The following PLEKHM3 variants were observed in gnomAD, a reference collection of about 807,000 sequenced individuals.
The protein encoded by PLEKHM3 is pleckstrin homology domain containing M3.
A neutral mutation model predicts 81.8 loss-of-function variants in PLEKHM3; 45 were observed. The ratio of observed to expected loss-of-function variants is 0.55; its 90% confidence interval spans 0.43 to 0.71. PLEKHM3 has a LOEUF of 0.71. PLEKHM3 is among the 30% of genes least tolerant of loss of function. The pLI is 0.00. For missense variants in PLEKHM3, 788 were observed against 924.3 expected (o/e 0.85, Z 1.91); for synonymous variants, 352 against 356.4 (o/e 0.99, Z 0.14).
chr2:207,952,474 A>G (rs1690360730), intron 3 of PLEKHM3, among the ~76,000 whole-genome samples: 2 of 152,234 alleles, frequency 1.3e-5, no homozygotes. Context: ...ATTAGGGGTT[A>G]AAGTCATAAA....
intron 1 of PLEKHM3, among the ~76,000 whole-genome samples, chr2:208,016,303 A>C (rs1692911961): frequency 6.6e-6 from 1 of 152,140 alleles, no homozygotes; most frequent in Non-Finnish European, 1.5e-5. Flanking sequence ...CAAACAAAAT[A>C]ACAAAATTGA....
rs77423668 is a variant in PLEKHM3, at chr2:207,920,540, A to C, written c.1886+10386T>G. ...AAAGCTAGTCCAAACAGCTGGTGTC[A>C]GTCTGCTGATGTTTTTAGCAGTCCA... On this transcript the variant is annotated intron_variant, in intron 5 of 7. Transcript: ENST00000427836. 1.9e-4 allele frequency among the ~76,000 whole-genome samples: 29 copies of C among 152,006 alleles called. No homozygotes were observed. The East Asian group carries it at 5.6e-3, about 29-fold the overall frequency.
intron 6 of PLEKHM3, among the ~76,000 whole-genome samples, chr2:207,901,833 G>A (rs1378423000): frequency 2.0e-5 from 3 of 152,224 alleles, no homozygotes; most frequent in Non-Finnish European, 4.4e-5. Context: ...AGTTAACAGA[G>A]ATTTAGTGAT....
At chr2:207,839,940 A>C (rs2105887613) in intron 7 of PLEKHM3, among the ~76,000 whole-genome samples, 1 of 152,250 alleles carries the variant, frequency 6.6e-6, no homozygotes, top group South Asian at 2.1e-4. Flanking sequence ...ATAAATAAAT[A>C]AATAAAATAA....
chr2:207,941,385 T>A (rs139876001), intron 4 of PLEKHM3, among the ~76,000 whole-genome samples: 1 of 152,112 alleles, frequency 6.6e-6, no homozygotes, highest in Non-Finnish European at 1.5e-5. Flanking sequence ...GAAAGGACAG[T>A]CTCTTCAGTA....
At position 207,865,825 on chromosome 2, in the gene PLEKHM3, T is replaced by A. The variant is rs1396596528; in HGVS notation, c.1951-4563A>T. Among the ~76,000 whole-genome samples the A allele has an allele frequency of 1.6e-3, 176 of 109,948 alleles. 9 individuals are homozygous for A. The highest frequency in any genetic ancestry group is 5.1e-3 in the Middle Eastern group (1 of 198). The allele number at this position is 109,948 out of a possible 152,430, so 72.1% of individuals were successfully genotyped here. ...AAAGATATATATATATATATATATA[T>A]ATATATATATATACTTTCTGTCTTT... On this transcript the variant is annotated intron_variant, in intron 6 of 7. Transcript: ENST00000427836.
intron 1 of PLEKHM3, among the ~76,000 whole-genome samples, chr2:208,014,849 A>G (rs997862024): frequency 3.3e-5 from 5 of 152,180 alleles, no homozygotes; most frequent in African/African-American, 1.2e-4. Flanking sequence ...TGACATTAGG[A>G]TGATAGGCAT....
In PLEKHM3 at chr2:207,976,529, A is replaced by G; in HGVS notation, c.1546+122T>C. 1.1e-6 allele frequency: 1 copy of G among 931,414 alleles called. No homozygotes were observed. Among genetic ancestry groups the G allele is most frequent in the Non-Finnish European group, 1.6e-6 (1 of 633,746 alleles). The allele number at this position is 931,414 out of a possible 1,614,324, so 57.7% of individuals were successfully genotyped here. The stretch of plus-strand genomic sequence containing the variant: ...AATACAGTAAGCTTCTCGAGGAGAG[A>G]TACTTTTTATAAACAGGAGATAGCT... On this transcript the variant is annotated intron_variant, in intron 3 of 7. Coordinates refer to ENST00000427836, the MANE Select transcript of PLEKHM3 (RefSeq NM_001080475.3). The surrounding 1 kb of genome is among the most constrained non-coding windows in gnomAD (Gnocchi z 4.1).
rs1206334475 is a variant in PLEKHM3 at position 208,001,208 on chromosome 2, CT to C, written c.431del (p.Lys144SerfsTer18). On this transcript the variant is annotated frameshift_variant, in exon 2 of 8. Coordinates refer to ENST00000427836, the MANE Select transcript of PLEKHM3 (RefSeq NM_001080475.3). LOFTEE classifies it high-confidence loss of function. ...CTGATCGTGATCGAGCATGCCCTGGCTTGAAAGTTGAGGTCTCATCCAGTAA... is the reference window on the plus strand; with the variant it reads ...CTGATCGTGATCGAGCATGCCCTGGCTGAAAGTTGAGGTCTCATCCAGTAA... ...NDLLDETSTF[K>X]PGHARSRSDI... 1 of 1,614,108 alleles carries C rather than the reference CT, an allele frequency of 6.2e-7. No individual in the cohort carries two copies. The highest frequency in any genetic ancestry group is 8.5e-7 in the Non-Finnish European group (1 of 1,180,006).
At chr2:207,995,450 G>A (rs556425752) in intron 2 of PLEKHM3, among the ~76,000 whole-genome samples, 1 of 152,300 alleles carries the variant, frequency 6.6e-6, no homozygotes, top group East Asian at 1.9e-4. Context: ...GAGGGCTGAG[G>A]AGACTGAGGA....
At chr2:207,953,676 G>A (rs1690411158) in intron 3 of PLEKHM3, among the ~76,000 whole-genome samples, 1 of 152,066 alleles carries the variant, frequency 6.6e-6, no homozygotes, top group Non-Finnish European at 1.5e-5. Context: ...TGGGTGTGAT[G>A]GCACATGCCT....
At chr2:207,860,200 T>TGTGTGA (rs1332264118) in intron 7 of PLEKHM3, among the ~76,000 whole-genome samples, 1 of 149,890 alleles carries the variant, frequency 6.7e-6, no homozygotes, top group Non-Finnish European at 1.5e-5. Flanking sequence ...TGTGTGTGTG[T>TGTGTGA]GTGTGTATCT....
chr2:208,017,348 G>A (rs1692956403), intron 1 of PLEKHM3, among the ~76,000 whole-genome samples: 1 of 152,144 alleles, frequency 6.6e-6, no homozygotes, highest in African/African-American at 2.4e-5. Context: ...CATTCTCTTT[G>A]ATCTCCATTA....
At position 207,908,544 on chromosome 2, in the gene PLEKHM3, G is replaced by A; in HGVS notation, c.1920C>T (p.Ile640=). Reference sequence around the variant, plus strand: ...GCAGGTCGGCAAGTGAATACAGGTGGATCTGTTGAAGGAGGTATTCTCTGG... The same window carrying A: ...GCAGGTCGGCAAGTGAATACAGGTGAATCTGTTGAAGGAGGTATTCTCTGG... ...IFPREYLLQQ[I]HLYSLADLQQ... The change falls in exon 6 of 8, where the codon ATC becomes ATT. Residue 640 remains isoleucine (I), a synonymous_variant. Transcript: ENST00000427836. 1 of 1,613,172 alleles carries A rather than the reference G, an allele frequency of 6.2e-7. No homozygotes were observed. Among genetic ancestry groups the A allele is most frequent in the Non-Finnish European group, 8.5e-7 (1 of 1,179,724 alleles).
intron 5 of PLEKHM3, among the ~76,000 whole-genome samples, chr2:207,909,945 A>G (rs1688758282): frequency 1.3e-5 from 2 of 152,338 alleles, no homozygotes; most frequent in South Asian, 4.1e-4. Context: ...ACACTATTAG[A>G]CTACTGAAAA....
intron 7 of PLEKHM3, among the ~76,000 whole-genome samples, chr2:207,841,434 G>A (rs2092351399): frequency 9.3e-6 from 1 of 107,876 alleles, no homozygotes; most frequent in South Asian, 3.5e-4. Context: ...GGGTGACACA[G>A]CGAGACTCCA....
At chr2:207,925,140 G>GTTTTTTTTTTT (rs1189512339) in intron 5 of PLEKHM3, among the ~76,000 whole-genome samples, 1 of 118,290 alleles carries the variant, frequency 8.5e-6, no homozygotes. Context: ...TTGTTTTTTT[G>GTTTTTTTTTTT]TTTTTTGTTT....
intron 6 of PLEKHM3, among the ~76,000 whole-genome samples, chr2:207,897,158 C>T (rs1237532214): frequency 2.0e-5 from 3 of 152,170 alleles, no homozygotes; most frequent in Non-Finnish European, 4.4e-5. Context: ...TTCTGCATTC[C>T]CTACCAAGGT....
chr2:207,872,031 C>T (rs1200564485), intron 6 of PLEKHM3, among the ~76,000 whole-genome samples: 7 of 152,176 alleles, frequency 4.6e-5, no homozygotes, highest in Non-Finnish European at 8.8e-5. Flanking sequence ...ACCTTCGTTA[C>T]TTAATATATG....
Sources: allele counts gnomAD v4.1 joint callset (sites outside exome capture counted in the v4.1 genomes callset), GRCh38; gene constraint gnomAD v4.1.1; non-coding constraint Gnocchi (gnomAD v3.1); transcripts MANE v1.5; gene names NCBI Gene and HGNC (gene_info 2026-07-23, HGNC 2026-07-21).